The following PTPRT variants were observed in gnomAD, a reference collection of about 807,000 sequenced individuals.
PTPRT encodes the protein receptor-type tyrosine-protein phosphatase T.
Under a neutral mutation model 176.8 loss-of-function variants are expected in PTPRT, and 56 were observed. That is an observed-to-expected ratio of 0.32 (90% CI 0.26 to 0.40). PTPRT has a LOEUF of 0.40. PTPRT is among the 10% of genes least tolerant of loss of function. PTPRT has a pLI of 1.00. For synonymous variants in PTPRT, 783 were observed against 739.0 expected, an observed-to-expected ratio of 1.06 and a Z score of -0.96; for missense variants, 1,540 against 1,908.2, an observed-to-expected ratio of 0.81 and a Z score of 3.60.
the PTPRT span, among the ~76,000 whole-genome samples, chr20:42,052,652 C>T: frequency 6.6e-6 from 1 of 152,156 alleles, no homozygotes; most frequent in Admixed American, 6.5e-5. Flanking sequence ...AGAACAGGAG[C>T]TTGGGTTCTC....
intron 1 of PTPRT, among the ~76,000 whole-genome samples, chr20:43,162,536 G>T (rs2014726503): frequency 6.6e-6 from 1 of 152,192 alleles, no homozygotes; most frequent in South Asian, 2.1e-4. Flanking sequence ...ACTCCGTGCG[G>T]TCCCATCCTG....
chr20:42,771,153 C>T (rs1474609394), intron 5 of PTPRT, among the ~76,000 whole-genome samples: 5 of 152,168 alleles, frequency 3.3e-5, no homozygotes, highest in African/African-American at 1.2e-4. Flanking sequence ...TGAGACACAT[C>T]CCGCCAGACA....
chr20:42,924,907 AT>A (rs1247666243), intron 1 of PTPRT, among the ~76,000 whole-genome samples: 12 of 152,206 alleles, frequency 7.9e-5, no homozygotes, highest in Non-Finnish European at 1.3e-4. Flanking sequence ...AGGGACTCTG[AT>A]TCAATAGTTC....
At chr20:42,197,540 A>T (rs1305767266) in intron 16 of PTPRT, among the ~76,000 whole-genome samples, 1 of 151,932 alleles carries the variant, frequency 6.6e-6, no homozygotes, top group Non-Finnish European at 1.5e-5. Context: ...GCAATAGAGA[A>T]CATTTGGAGG....
At chr20:42,129,941 T>C (rs913111320) in intron 18 of PTPRT, among the ~76,000 whole-genome samples, 3 of 152,158 alleles carry the variant, frequency 2.0e-5, no homozygotes, top group Non-Finnish European at 2.9e-5. Context: ...AAAGGTATAA[T>C]TGGATGCCCT....
intron 1 of PTPRT, among the ~76,000 whole-genome samples, chr20:42,966,113 G>A (rs1982278980): frequency 1.3e-5 from 2 of 152,108 alleles, no homozygotes; most frequent in South Asian, 2.1e-4. Flanking sequence ...GAGAAGCTTG[G>A]GAATACCAGA....
chr20:42,659,588 T>C (rs529759422), intron 7 of PTPRT, among the ~76,000 whole-genome samples: 2 of 152,190 alleles, frequency 1.3e-5, no homozygotes, highest in South Asian at 4.2e-4. Flanking sequence ...TCTTTAGATG[T>C]CTAAGCTGCC....
At chr20:42,738,766 C>G (rs1295714632) in intron 6 of PTPRT, among the ~76,000 whole-genome samples, 1 of 152,122 alleles carries the variant, frequency 6.6e-6, no homozygotes, top group African/African-American at 2.4e-5. Flanking sequence ...TATTTCTATA[C>G]TAATTTAACA....
At position 42,350,745 on chromosome 20, in the gene PTPRT, G is replaced by A; in HGVS notation, c.1763-15C>T. 6.3e-7 allele frequency: 1 copy of A among 1,582,522 alleles called. No individual in the cohort carries two copies. Among genetic ancestry groups the A allele is most frequent in the South Asian group, 1.1e-5 (1 of 90,438 alleles). ...CATGGATGGAGCTGGACAGGAAACA[G>A]AGAGTGCAGGTGAGTTCAGCACAGA... On this transcript the variant is annotated splice_polypyrimidine_tract_variant and intron_variant, in intron 10 of 30. Coordinates refer to ENST00000373187, the MANE Select transcript of PTPRT (RefSeq NM_007050.6).
At chr20:42,742,334 A>G (rs1431005628) in intron 6 of PTPRT, among the ~76,000 whole-genome samples, 1 of 152,234 alleles carries the variant, frequency 6.6e-6, no homozygotes, top group Non-Finnish European at 1.5e-5. Flanking sequence ...GGTAACAGAC[A>G]GAGCCTCCCT....
chr20:42,400,569 C>T (rs2058895323), intron 9 of PTPRT, among the ~76,000 whole-genome samples: 1 of 152,106 alleles, frequency 6.6e-6, no homozygotes, highest in Non-Finnish European at 1.5e-5. Flanking sequence ...GAAGCCACAT[C>T]TTGCTGGATA....
intron 7 of PTPRT, among the ~76,000 whole-genome samples, chr20:42,633,781 G>GAAAAAAAAAAAAAAAA (rs757072641): frequency 3.0e-5 from 1 of 32,854 alleles, no homozygotes; most frequent in African/African-American, 1.8e-4. Context: ...GCAAGACTCT[G>GAAAAAAAAAAAAAAAA]AAAATATATA....
intron 7 of PTPRT, among the ~76,000 whole-genome samples, chr20:42,504,658 A>G (rs185586915): frequency 6.6e-6 from 1 of 152,206 alleles, no homozygotes; most frequent in East Asian, 1.9e-4. Context: ...GTCTTTTAAA[A>G]TTGTATAATT....
intron 1 of PTPRT, among the ~76,000 whole-genome samples, chr20:43,112,001 TC>T (rs1188278951): frequency 1.3e-5 from 2 of 152,208 alleles, no homozygotes; most frequent in Admixed American, 1.3e-4. Context: ...AAGAAGGCAC[TC>T]TTCTCACCTC....
chr20:42,120,400 C>G (rs1012299063), intron 19 of PTPRT, among the ~76,000 whole-genome samples: 1 of 152,136 alleles, frequency 6.6e-6, no homozygotes, highest in Non-Finnish European at 1.5e-5. Flanking sequence ...AGGAAGAAAA[C>G]AATTCAATTG....
chr20:43,184,961 A>G (rs2015354768), intron 1 of PTPRT, among the ~76,000 whole-genome samples: 1 of 152,192 alleles, frequency 6.6e-6, no homozygotes. Context: ...GCTGAAACCC[A>G]TGATCCTAAC....
chr20:42,152,529 T>A (rs1273653397), intron 17 of PTPRT, among the ~76,000 whole-genome samples: 1 of 152,176 alleles, frequency 6.6e-6, no homozygotes, highest in Non-Finnish European at 1.5e-5. Flanking sequence ...AAAACACTCT[T>A]TAAAAGGCCC....
chr20:42,822,482 T>C (rs1299370440), intron 2 of PTPRT, among the ~76,000 whole-genome samples: 1 of 152,140 alleles, frequency 6.6e-6, no homozygotes, highest in Admixed American at 6.5e-5. Flanking sequence ...ATTCAGGACA[T>C]AGGCATGGGC....
chr20:42,911,976 C>CTTTTTTTTTT (rs11475084), intron 1 of PTPRT, among the ~76,000 whole-genome samples: 3 of 124,312 alleles, frequency 2.4e-5, no homozygotes, highest in Non-Finnish European at 5.0e-5. Context: ...ATCCTCTTTT[C>CTTTTTTTTTT]TTTTTTTTTT....
Sources: allele counts gnomAD v4.1 joint callset (sites outside exome capture counted in the v4.1 genomes callset), GRCh38; gene constraint gnomAD v4.1.1; transcripts MANE v1.5; gene names NCBI Gene and HGNC (gene_info 2026-07-23, HGNC 2026-07-21).